Variants in ZNF385D observed in about 807,000 individuals in gnomAD.
ZNF385D encodes the protein zinc finger protein 659.
In ZNF385D, 15 loss-of-function variants were observed where a neutral mutation model predicts 35.8. The ratio of observed to expected loss-of-function variants is 0.42; its 90% confidence interval spans 0.28 to 0.64. The LOEUF is 0.64. Ranked by LOEUF, ZNF385D falls within the 30% of genes least tolerant of loss-of-function variation. The probability of loss-of-function intolerance (pLI) is 0.23; values close to 1 mark genes in which losing one functional copy is unlikely to be tolerated. For synonymous variants in ZNF385D, 212 were observed against 186.8 expected, an observed-to-expected ratio of 1.13 and a Z score of -1.10; for missense variants, 474 against 494.6, an observed-to-expected ratio of 0.96 and a Z score of 0.39.
At position 22,275,786 on chromosome 3, in the gene ZNF385D, A is replaced by G. The variant is rs143694581; in HGVS notation, c.106+96664T>C. On this transcript the variant is annotated intron_variant, in intron 2 of 5. Transcript: ENST00000494108. The stretch of plus-strand genomic sequence containing the variant: ...ATAAATTAGCATATGCATGTTCTTT[A>G]AAGGTTCATGAGAACTGGTGGAGCA... Among the ~76,000 whole-genome samples, 675 of 152,268 alleles carry G rather than the reference A, an allele frequency of 4.4e-3. 7 individuals are homozygous for G. Among genetic ancestry groups the G allele is most frequent in the African/African-American group, 0.015 (642 of 41,562 alleles).
chr3:21,922,488 A>T (rs928788489), intron 3 of ZNF385D, among the ~76,000 whole-genome samples: 42 of 152,330 alleles, frequency 2.8e-4, no homozygotes, highest in African/African-American at 9.6e-4. Flanking sequence ...AGAGTCACAC[A>T]CGTACAGCCA....
intron 2 of ZNF385D, among the ~76,000 whole-genome samples, chr3:22,270,169 C>T (rs927017931): frequency 2.6e-4 from 40 of 151,934 alleles, no homozygotes; most frequent in Admixed American, 2.6e-3. Context: ...TTATTTCCCC[C>T]TAGAAAAAGC....
At chr3:22,331,208 TA>T (rs1694919579) in intron 2 of ZNF385D, among the ~76,000 whole-genome samples, 1 of 152,196 alleles carries the variant, frequency 6.6e-6, no homozygotes, top group Non-Finnish European at 1.5e-5. Context: ...GGCCATTTAT[TA>T]TTTTTTTTAG....
At chr3:22,092,544 T>C (rs148464590) in intron 3 of ZNF385D, among the ~76,000 whole-genome samples, 2,227 of 152,298 alleles carry the variant, frequency 0.015, 32 homozygotes, top group Middle Eastern at 0.034. Context: ...CAGATGTTCA[T>C]GGCTATGCCC....
intron 3 of ZNF385D, among the ~76,000 whole-genome samples, chr3:21,963,329 G>C (rs766872403): frequency 6.6e-6 from 1 of 152,130 alleles, no homozygotes; most frequent in Non-Finnish European, 1.5e-5. Context: ...CCAGGAGAAG[G>C]ATGAACAGTA....
chr3:21,533,587 A>C (rs976740574), intron 3 of ZNF385D, among the ~76,000 whole-genome samples: 2 of 152,114 alleles, frequency 1.3e-5, no homozygotes, highest in South Asian at 2.1e-4. Flanking sequence ...CTGAACAGCA[A>C]TTCAATAGAT....
rs1262275447 is a variant in ZNF385D, at chr3:21,660,418, T to G, written c.165+4468A>C. ...GCATCTGCAGGCACAGGAAGTCAGT[T>G]TTCCTCATTTAATCTTTATACCAAC... On this transcript the variant is annotated intron_variant, in intron 2 of 7. Coordinates refer to ENST00000281523, the MANE Select transcript of ZNF385D (RefSeq NM_024697.3). Among the ~76,000 whole-genome samples the G allele has an allele frequency of 1.3e-5, 2 of 152,078 alleles. 1 individual carries two copies.
At chr3:21,809,687 CCTATATACATATAT>C (rs374336444) in intron 3 of ZNF385D, among the ~76,000 whole-genome samples, 6 of 148,082 alleles carry the variant, frequency 4.1e-5, no homozygotes, top group African/African-American at 7.5e-5. Flanking sequence ...CACATATATA[CCTATATACATATAT>C]ACACATATAT....
intron 2 of ZNF385D, among the ~76,000 whole-genome samples, chr3:22,364,815 C>A (rs1024270457): frequency 6.6e-6 from 1 of 152,054 alleles, no homozygotes; most frequent in Non-Finnish European, 1.5e-5. Context: ...TAAACCGAAG[C>A]AGCCTTATAC....
intron 2 of ZNF385D, among the ~76,000 whole-genome samples, chr3:21,608,961 A>G (rs767414727): frequency 2.4e-4 from 36 of 152,238 alleles, no homozygotes; most frequent in Non-Finnish European, 4.1e-4. Context: ...GTTGTCAATA[A>G]TAAGTCAGAG....
intron 3 of ZNF385D, among the ~76,000 whole-genome samples, chr3:22,110,284 C>G (rs1702445206): frequency 6.6e-6 from 1 of 151,954 alleles, no homozygotes; most frequent in East Asian, 1.9e-4. Context: ...CATCCCATTA[C>G]TGGGTATATA....
chr3:22,008,410 T>TG (rs1273103039), intron 3 of ZNF385D, among the ~76,000 whole-genome samples: 1 of 146,386 alleles, frequency 6.8e-6, no homozygotes, highest in East Asian at 2.0e-4. Flanking sequence ...TGGAGTGCAG[T>TG]GGCCCGATCT....
chr3:21,437,887 T>C (rs1701652299), intron 4 of ZNF385D, among the ~76,000 whole-genome samples: 2 of 152,098 alleles, frequency 1.3e-5, no homozygotes, highest in Admixed American at 6.6e-5. Context: ...TACCAAGCTG[T>C]ACGCAGGGAG....
chr3:22,310,334 A>G (rs1458557155), intron 2 of ZNF385D, among the ~76,000 whole-genome samples: 1 of 151,982 alleles, frequency 6.6e-6, no homozygotes, highest in African/African-American at 2.4e-5. Context: ...CTGTTACATA[A>G]AAGGGCCTAG....
rs527886324 is a variant in ZNF385D at position 21,570,286 on chromosome 3, G to C, written c.166-5602C>G. Among the ~76,000 whole-genome samples, 75 of 152,242 alleles carry C rather than the reference G, an allele frequency of 4.9e-4. 1 individual carries two copies. Among genetic ancestry groups the C allele is most frequent in the Admixed American group, 2.2e-3 (34 of 15,290 alleles). ...CCTTTGCATTTCTATCTAAGGCCTA[G>C]GTTTTCCCTCACCTCCCCTCTGGGG... On this transcript the variant is annotated intron_variant, in intron 2 of 7. Transcript: ENST00000281523.
intron 3 of ZNF385D, among the ~76,000 whole-genome samples, chr3:22,116,048 T>A (rs1023550053): frequency 6.6e-6 from 1 of 152,076 alleles, no homozygotes; most frequent in Non-Finnish European, 1.5e-5. Flanking sequence ...TTTCCTGTGT[T>A]CATATAAAAA....
At chr3:21,463,302 C>A (rs73131561) in intron 4 of ZNF385D, among the ~76,000 whole-genome samples, 5,340 of 152,130 alleles carry the variant, frequency 0.035, 191 homozygotes, top group African/African-American at 0.085. Context: ...TATATTTTTA[C>A]AGGGACACTA....
chr3:21,825,024 A>G (rs531519581), intron 3 of ZNF385D, among the ~76,000 whole-genome samples: 3 of 152,226 alleles, frequency 2.0e-5, no homozygotes, highest in South Asian at 2.1e-4. Context: ...AGAAACTCCC[A>G]TATCATTTAA....
intron 3 of ZNF385D, among the ~76,000 whole-genome samples, chr3:21,511,413 T>G (rs1170565874): frequency 6.6e-6 from 1 of 152,174 alleles, no homozygotes; most frequent in African/African-American, 2.4e-5. Context: ...CTTCTTGGCT[T>G]AGAAAATGCA....
Sources: allele counts gnomAD v4.1 joint callset (sites outside exome capture counted in the v4.1 genomes callset), GRCh38; gene constraint gnomAD v4.1.1; transcripts MANE v1.5; gene names NCBI Gene and HGNC (gene_info 2026-07-23, HGNC 2026-07-21).